Variants in CSMD1 observed in about 807,000 individuals in gnomAD.
CSMD1 encodes the protein CUB and sushi domain-containing protein 1.
Under a neutral mutation model 417.5 loss-of-function variants are expected in CSMD1, and 213 were observed. That is an observed-to-expected ratio of 0.51 (90% CI 0.46 to 0.57). CSMD1 has a LOEUF of 0.57. Ranked by LOEUF, CSMD1 falls within the 20% of genes least tolerant of loss-of-function variation. CSMD1 has a pLI of 0.00. For synonymous variants in CSMD1, 2,862 were observed against 1,736.8 expected (o/e 1.65, Z -16.11); for missense variants, 6,923 against 4,529.7 (o/e 1.53, Z -15.17).
At chr8:4,376,315 A>G (rs1802732684) in intron 3 of CSMD1, among the ~76,000 whole-genome samples, 1 of 152,208 alleles carries the variant, frequency 6.6e-6, no homozygotes, top group African/African-American at 2.4e-5. Flanking sequence ...AAGTCAGGAC[A>G]TTTTCAAGAA....
chr8:4,539,810 G>C (rs76767477), intron 2 of CSMD1, among the ~76,000 whole-genome samples: 8,550 of 152,152 alleles, frequency 0.056, 345 homozygotes, highest in East Asian at 0.15. Flanking sequence ...TTTCCATATG[G>C]GTTAAGCATT....
intron 2 of CSMD1, among the ~76,000 whole-genome samples, chr8:4,443,228 A>G (rs1312224106): frequency 3.3e-5 from 5 of 152,172 alleles, no homozygotes; most frequent in Non-Finnish European, 7.3e-5. Context: ...TTTGTAATTA[A>G]TGTGTTTTAA....
rs1801381341 is a variant in CSMD1 at position 4,486,162 on chromosome 8, CATATATATATATACATACATATATAT to C, written c.303-66123_303-66098del. On this transcript the variant is annotated intron_variant, in intron 2 of 69. Coordinates refer to ENST00000635120, the MANE Select transcript of CSMD1 (RefSeq NM_033225.6). ...ACATACATATATATATATATACATACATATATATATATACATACATATATATATATATATATACATACATATATATA... is the reference window on the plus strand; with the variant it reads ...ACATACATATATATATATATACATACATATATATATACATACATATATATA... Among the ~76,000 whole-genome samples, 191 of 48,672 alleles carry C rather than the reference CATATATATATATACATACATATATAT, an allele frequency of 3.9e-3. 2 individuals carry two copies. Among genetic ancestry groups the C allele is most frequent in the East Asian group, 0.011 (10 of 924 alleles). The allele number at this position is 48,672 out of a possible 152,430, so 31.9% of individuals were successfully genotyped here. A position where few individuals can be genotyped will look rare whatever the true frequency, so the allele number is the denominator to read the frequency against.
At chr8:3,878,946 T>C (rs1446155752) in intron 5 of CSMD1, among the ~76,000 whole-genome samples, 1 of 152,186 alleles carries the variant, frequency 6.6e-6, no homozygotes, top group Non-Finnish European at 1.5e-5. Flanking sequence ...AACTTTAATA[T>C]ATGACTAAGT....
At chr8:4,090,790 G>A (rs188023337) in intron 3 of CSMD1, among the ~76,000 whole-genome samples, 1 of 152,252 alleles carries the variant, frequency 6.6e-6, no homozygotes, top group East Asian at 1.9e-4. Context: ...ATTCACTGGT[G>A]CGTGGTTAAA....
intron 12 of CSMD1, among the ~76,000 whole-genome samples, chr8:3,410,582 C>A (rs1812627149): frequency 6.6e-6 from 1 of 152,144 alleles, no homozygotes; most frequent in East Asian, 1.9e-4. Flanking sequence ...CTTGTTCCAC[C>A]TTGCCTTCGC....
intron 3 of CSMD1, among the ~76,000 whole-genome samples, chr8:4,191,157 G>A (rs918093198): frequency 1.3e-5 from 2 of 152,184 alleles, no homozygotes; most frequent in African/African-American, 4.8e-5. Context: ...AGCACTTTGG[G>A]AGGCCGAGGC....
chr8:3,528,483 G>C (rs1312663214), intron 10 of CSMD1, among the ~76,000 whole-genome samples: 1 of 152,196 alleles, frequency 6.6e-6, no homozygotes, highest in Admixed American at 6.5e-5. Context: ...CCTTGAGGAA[G>C]AAGACATTTC....
intron 23 of CSMD1, among the ~76,000 whole-genome samples, chr8:3,322,876 T>C (rs1214370784): frequency 1.3e-5 from 2 of 152,272 alleles, no homozygotes; most frequent in African/African-American, 4.8e-5. Context: ...TAATGGCAAA[T>C]GCCTGACTTA....
chr8:4,607,187 T>C (rs1193985477), intron 2 of CSMD1, among the ~76,000 whole-genome samples: 4 of 152,134 alleles, frequency 2.6e-5, no homozygotes, highest in East Asian at 1.9e-4. Flanking sequence ...AACTAATTGA[T>C]AGTGTCGGCA....
At position 4,768,486 on chromosome 8, in the gene CSMD1, T is replaced by C. The variant is rs113760558; in HGVS notation, c.86-130928A>G. ...CAGTTGATTCTCTTAAAGGCCTTGG[T>C]GCTTAGCTCCTTAGCTGAGTTATTT... On this transcript the variant is annotated intron_variant, in intron 1 of 69. Coordinates refer to ENST00000635120, the MANE Select transcript of CSMD1 (RefSeq NM_033225.6). Among the ~76,000 whole-genome samples, 1,151 of 152,340 alleles carry C rather than the reference T, an allele frequency of 7.6e-3. 20 individuals carry two copies. Among genetic ancestry groups the C allele is most frequent in the African/African-American group, 0.027 (1,110 of 41,584 alleles).
chr8:3,307,883 T>TA (rs1300395609), intron 24 of CSMD1, 62 bp from the exon 25 acceptor site: 1 of 1,567,722 alleles, frequency 6.4e-7, no homozygotes, highest in East Asian at 2.3e-5. Context: ...TCTATTTAGC[T>TA]ACTTTTCAAA....
intron 43 of CSMD1, among the ~76,000 whole-genome samples, chr8:3,109,471 T>C (rs1816361132): frequency 6.6e-6 from 1 of 152,152 alleles, no homozygotes; most frequent in Non-Finnish European, 1.5e-5. Context: ...GTCGTTGTCA[T>C]CTTAGATGTC....
At chr8:3,170,488 G>A (rs1036120110) in intron 37 of CSMD1, among the ~76,000 whole-genome samples, 2 of 152,166 alleles carry the variant, frequency 1.3e-5, no homozygotes, top group Non-Finnish European at 2.9e-5. Flanking sequence ...GATTACAGGC[G>A]TGAGCCACCG....
At chr8:3,720,940 C>G (rs188901359) in intron 6 of CSMD1, among the ~76,000 whole-genome samples, 2 of 152,176 alleles carry the variant, frequency 1.3e-5, no homozygotes, top group African/African-American at 2.4e-5. Flanking sequence ...CTCAGCCTCC[C>G]AACTAGCTGG....
At chr8:3,449,044 G>T (rs1318103376) in intron 12 of CSMD1, among the ~76,000 whole-genome samples, 1 of 152,160 alleles carries the variant, frequency 6.6e-6, no homozygotes, top group Non-Finnish European at 1.5e-5. Context: ...TACTTCAAAG[G>T]AAATGGGAAA....
rs189045369 is a variant in CSMD1 at position 4,173,564 on chromosome 8, C to A, written c.416-141465G>T. Among the ~76,000 whole-genome samples, 246 of 152,120 alleles carry A rather than the reference C, an allele frequency of 1.6e-3. 5 individuals carry two copies. The highest frequency in any genetic ancestry group is 5.8e-3 in the African/African-American group (240 of 41,474). Reference sequence around the variant, plus strand: ...CAAGAAAGGAGAAAGATAAAATTATCAAATGATGTAACAATATGATTCGCT... The same window carrying A: ...CAAGAAAGGAGAAAGATAAAATTATAAAATGATGTAACAATATGATTCGCT... On this transcript the variant is annotated intron_variant, in intron 3 of 69. Transcript: ENST00000635120.
At chr8:3,074,723 T>C (rs1056583168) in intron 49 of CSMD1, among the ~76,000 whole-genome samples, 1 of 152,256 alleles carries the variant, frequency 6.6e-6, no homozygotes, top group African/African-American at 2.4e-5. Flanking sequence ...GCAATAAATA[T>C]ACAAACATAT....
At chr8:4,279,218 A>G (rs1196455600) in intron 3 of CSMD1, among the ~76,000 whole-genome samples, 1 of 152,176 alleles carries the variant, frequency 6.6e-6, no homozygotes, top group Non-Finnish European at 1.5e-5. Flanking sequence ...ACACACACAC[A>G]CAATTAAGCA....
Sources: gnomAD v4.1 joint callset for allele counts (sites outside exome capture counted in the v4.1 genomes callset) on GRCh38, gnomAD v4.1.1 for gene constraint, MANE v1.5 for transcripts, NCBI Gene and HGNC (gene_info 2026-07-23, HGNC 2026-07-21) for gene names.